The following CLIP1 variants were observed in gnomAD, a reference collection of about 807,000 sequenced individuals.
CLIP1 encodes the protein CAP-Gly domain-containing linker protein 1.
In CLIP1, 66 loss-of-function variants were observed where a neutral mutation model predicts 161.6. The ratio of observed to expected loss-of-function variants is 0.41; its 90% CI spans 0.33 to 0.50. The LOEUF is 0.50. Ranked by LOEUF, CLIP1 falls within the 20% of genes least tolerant of loss-of-function variation. The pLI, the probability that CLIP1 is intolerant of heterozygous loss-of-function variation, is 0.27. For synonymous variants in CLIP1, 598 were observed against 626.2 expected (o/e 0.96, Z 0.67); for missense variants, 1,376 against 1,702.0 (o/e 0.81, Z 3.37).
chr12:122,416,895 C>T lies in CLIP1; in HGVS notation c.-107+5626G>A, dbSNP rs1956775132. ...AGCCTGGGCAACAAGAGCGACACTC[C>T]ATCTCAAAAAATAATTATAACAATA... On this transcript the variant is annotated intron_variant, in intron 1 of 25. Transcript: ENST00000620786. Among the ~76,000 whole-genome samples, 4 of 149,190 alleles carry T rather than the reference C, an allele frequency of 2.7e-5. No individual in the cohort carries two copies. In the South Asian group the frequency reaches 8.6e-4, roughly 32 times the overall value.
At chr12:122,308,251 C>T (rs1263540642) in intron 20 of CLIP1, among the ~76,000 whole-genome samples, 1 of 152,192 alleles carries the variant, frequency 6.6e-6, no homozygotes, top group Non-Finnish European at 1.5e-5. Context: ...AGAGGATGAT[C>T]TCTGTAAGTT....
Position 122,296,631 on chromosome 12 carries a change from T to C in CLIP1, c.3595-8090A>G, listed in dbSNP as rs771372989. ...TAACATTACAATTTAAAATAAATAA[T>C]TCTTATTTCTTTGGAAATAAAAAAA... On this transcript the variant is annotated intron_variant, in intron 20 of 25. Transcript: ENST00000620786. Among the ~76,000 whole-genome samples, 226 of 152,148 alleles carry C rather than the reference T, an allele frequency of 1.5e-3. 1 individual carries two copies. The highest frequency in any genetic ancestry group is 2.4e-3 in the Non-Finnish European group (162 of 67,994).
At chr12:122,334,602 AATG>A (rs1388585531) in intron 13 of CLIP1, 43 bp downstream of exon 13, 7 of 1,310,322 alleles carry the variant, frequency 5.3e-6, no homozygotes, top group Non-Finnish European at 7.6e-6. Flanking sequence ...AGTATGAAAG[AATG>A]ATATTTTTTA....
At chr12:122,387,547 CATATATATATATATATATAT>C (rs773688335) in intron 1 of CLIP1, among the ~76,000 whole-genome samples, 1,345 of 40,288 alleles carry the variant, frequency 0.033, 77 homozygotes, top group African/African-American at 0.077. Flanking sequence ...CATGCCTTTT[CATATATATATATATATATAT>C]ATATATATAT....
intron 1 of CLIP1, among the ~76,000 whole-genome samples, chr12:122,408,030 G>T (rs1956395216): frequency 6.6e-6 from 1 of 151,916 alleles, no homozygotes; most frequent in South Asian, 2.1e-4. Flanking sequence ...GAGGTCAGGA[G>T]TTCAAGACCA....
intron 19 of CLIP1, 26 bp downstream of exon 19, chr12:122,316,723 T>G (rs1373700607): frequency 7.6e-7 from 1 of 1,313,972 alleles, no homozygotes; most frequent in African/African-American, 1.5e-5. Context: ...AATTCCATAT[T>G]TTTTTCTCAA....
chr12:122,403,093 C>G (rs1406121672), intron 1 of CLIP1, among the ~76,000 whole-genome samples: 1 of 152,126 alleles, frequency 6.6e-6, no homozygotes, highest in Admixed American at 6.6e-5. Flanking sequence ...CCCAGGCCCC[C>G]CTGGATATGC....
intron 20 of CLIP1, among the ~76,000 whole-genome samples, chr12:122,293,799 G>GT (rs1384458933): frequency 2.0e-5 from 2 of 99,342 alleles, no homozygotes; most frequent in African/African-American, 1.1e-4. Context: ...TTTTTTTTTT[G>GT]TTTTTTGTTT....
At chr12:122,375,442 A>T (rs1445253926) in intron 3 of CLIP1, among the ~76,000 whole-genome samples, 1 of 151,770 alleles carries the variant, frequency 6.6e-6, no homozygotes, top group Non-Finnish European at 1.5e-5. Context: ...TCAGCTTCCC[A>T]AGTAGCTGGG....
At chr12:122,281,773 T>TAAAAA (rs61004152) in intron 21 of CLIP1, among the ~76,000 whole-genome samples, 4 of 126,302 alleles carry the variant, frequency 3.2e-5, no homozygotes, top group African/African-American at 9.7e-5. Flanking sequence ...TTGATTCTGT[T>TAAAAA]AAAAAAAAAA....
intron 1 of CLIP1, among the ~76,000 whole-genome samples, chr12:122,387,615 T>A (rs1446658999): frequency 1.8e-4 from 21 of 116,174 alleles, no homozygotes; most frequent in African/African-American, 4.6e-4. Context: ...TTTTTTTTTT[T>A]TAGAAACAAG....
At chr12:122,286,312 T>C (rs1261998946) in intron 21 of CLIP1, among the ~76,000 whole-genome samples, 1 of 145,964 alleles carries the variant, frequency 6.9e-6, no homozygotes, top group Non-Finnish European at 1.5e-5. Context: ...AGGTCAGGAG[T>C]TAGAGACAAG....
At chr12:122,364,612 C>T (rs1423670017) in intron 3 of CLIP1, among the ~76,000 whole-genome samples, 1 of 151,896 alleles carries the variant, frequency 6.6e-6, no homozygotes, top group South Asian at 2.1e-4. Context: ...GCCATGTTGC[C>T]CAGGCTGGTC....
intron 3 of CLIP1, among the ~76,000 whole-genome samples, chr12:122,377,071 G>A (rs942310035): frequency 6.0e-5 from 9 of 150,456 alleles, no homozygotes; most frequent in South Asian, 4.2e-4. Context: ...GTGTAGTGGC[G>A]CAATCTCGGC....
chr12:122,402,887 A>G (rs1049965136), intron 1 of CLIP1, among the ~76,000 whole-genome samples: 3 of 152,186 alleles, frequency 2.0e-5, no homozygotes, highest in African/African-American at 7.2e-5. Context: ...TTCATAATAG[A>G]TCTTTGAAAT....
At chr12:122,341,750 CTATTT>C (rs1952508277) in intron 10 of CLIP1, 53 bp from the exon 11 acceptor site, 2 of 174,976 alleles carry the variant, frequency 1.1e-5, no homozygotes, top group African/African-American at 3.2e-5. Flanking sequence ...AAGTCATTGA[CTATTT>C]TCTTTTCTTT....
chr12:122,288,001 A>C (rs1180431907), intron 21 of CLIP1, among the ~76,000 whole-genome samples: 1 of 152,040 alleles, frequency 6.6e-6, no homozygotes, highest in Non-Finnish European at 1.5e-5. Context: ...TTTTTGTTTT[A>C]GTAATAGTGA....
chr12:122,274,061 C>T lies in CLIP1; in HGVS notation c.4068G>A (p.Gly1356=). The change falls in exon 25 of 26, where the codon GGG becomes GGA. Residue 1356 remains glycine (G), a synonymous_variant. Transcript: ENST00000620786. Reference sequence around the variant, plus strand: ...ACCTGTCATAATTGTTTAGGTCATCCCCGTTCCCATTCAGGGCTGCTTCTG... The same window carrying T: ...ACCTGTCATAATTGTTTAGGTCATCTCCGTTCCCATTCAGGGCTGCTTCTG... ...MMSEAALNGN[G]DDLNNYDSDD... is the part of the protein sequence containing the mutation. 6.2e-7 allele frequency: 1 copy of T among 1,613,804 alleles called. No individual in the cohort carries two copies. The highest frequency in any genetic ancestry group is 8.5e-7 in the Non-Finnish European group (1 of 1,179,868).
At chr12:122,321,175 G>A (rs1325426566) in intron 17 of CLIP1, among the ~76,000 whole-genome samples, 1 of 151,482 alleles carries the variant, frequency 6.6e-6, no homozygotes, top group Non-Finnish European at 1.5e-5. Flanking sequence ...AACTCCAAAT[G>A]GACAGACACA....
Sources: gnomAD v4.1 joint callset for allele counts (sites outside exome capture counted in the v4.1 genomes callset) on GRCh38, gnomAD v4.1.1 for gene constraint, MANE v1.5 for transcripts, NCBI Gene and HGNC (gene_info 2026-07-23, HGNC 2026-07-21) for gene names.